The following EXOC6 variants were observed in gnomAD, a reference collection of about 807,000 sequenced individuals.
EXOC6 encodes exocyst complex component 6, also known as SEC15-like 1.
A neutral mutation model predicts 112.5 loss-of-function variants in EXOC6; 60 were observed. That is an observed-to-expected ratio of 0.53 (90% CI 0.43 to 0.66). EXOC6 has a LOEUF of 0.66. EXOC6 is among the 30% of genes least tolerant of loss of function. EXOC6 has a pLI of 0.00. For synonymous variants in EXOC6, 295 were observed against 308.0 expected, an observed-to-expected ratio of 0.96 and a Z score of 0.44; for missense variants, 855 against 957.1, an observed-to-expected ratio of 0.89 and a Z score of 1.41.
intron 20 of EXOC6, among the ~76,000 whole-genome samples, chr10:93,048,920 C>T (rs921600738): frequency 1.3e-5 from 2 of 152,018 alleles, no homozygotes; most frequent in Non-Finnish European, 2.9e-5. Flanking sequence ...ACATAAGGTG[C>T]TAATGTTCTT....
intron 19 of EXOC6, among the ~76,000 whole-genome samples, chr10:93,001,544 C>G (rs1206038602): frequency 6.6e-6 from 1 of 152,156 alleles, no homozygotes; most frequent in Non-Finnish European, 1.5e-5. Flanking sequence ...AAAAGGTGTT[C>G]TCAGTAAAAG....
chr10:92,988,081 C>T (rs1843080275), intron 18 of EXOC6, among the ~76,000 whole-genome samples: 1 of 152,090 alleles, frequency 6.6e-6, no homozygotes, highest in African/African-American at 2.4e-5. Flanking sequence ...TTATGCTTTT[C>T]CTGAATGCTT....
chr10:92,963,164 G>A (rs1476517048), intron 17 of EXOC6, among the ~76,000 whole-genome samples: 1 of 152,120 alleles, frequency 6.6e-6, no homozygotes, highest in Non-Finnish European at 1.5e-5. Context: ...ATGTTAATAA[G>A]GATGCTTATT....
chr10:92,887,705 G>A (rs1425642730), intron 1 of EXOC6, among the ~76,000 whole-genome samples: 3 of 151,982 alleles, frequency 2.0e-5, no homozygotes, highest in Admixed American at 1.3e-4. Context: ...GTGCCCAGCC[G>A]ATTAATTCCA....
At chr10:92,866,421 A>G (rs1423028074) in intron 1 of EXOC6, among the ~76,000 whole-genome samples, 1 of 152,172 alleles carries the variant, frequency 6.6e-6, no homozygotes, top group East Asian at 1.9e-4. Flanking sequence ...TATAACATAT[A>G]AAGAAACAAA....
chr10:92,902,110 G>A (rs1328167301), intron 5 of EXOC6, among the ~76,000 whole-genome samples: 1 of 151,820 alleles, frequency 6.6e-6, no homozygotes, highest in African/African-American at 2.4e-5. Context: ...ACAGTTTGAA[G>A]TTGTTAGTTT....
chr10:92,900,759 G>T, intron 5 of EXOC6: 1 of 149,464 alleles, frequency 6.7e-6, no homozygotes, highest in African/African-American at 2.4e-5. Flanking sequence ...GATTATTTTG[G>T]TATTTATATT....
chr10:93,007,102 A>G (rs1590025783), intron 19 of EXOC6, among the ~76,000 whole-genome samples: 1 of 152,110 alleles, frequency 6.6e-6, no homozygotes, highest in African/African-American at 2.4e-5. Context: ...TCTGCCTAGA[A>G]CAAGATTTTT....
intron 9 of EXOC6, among the ~76,000 whole-genome samples, chr10:92,932,565 AG>A (rs1852104045): frequency 6.6e-6 from 1 of 152,298 alleles, no homozygotes; most frequent in African/African-American, 2.4e-5. Flanking sequence ...TTCTGAAAAA[AG>A]TAACTGTCAA....
chr10:92,862,223 A>G (rs1847942953), intron 1 of EXOC6, among the ~76,000 whole-genome samples: 1 of 152,142 alleles, frequency 6.6e-6, no homozygotes, highest in South Asian at 2.1e-4. Context: ...ATTTCATGTA[A>G]TAGAGGAATA....
At chr10:92,910,694 G>GC (rs1290237136) in intron 6 of EXOC6, among the ~76,000 whole-genome samples, 9 of 152,150 alleles carry the variant, frequency 5.9e-5, no homozygotes, top group African/African-American at 1.9e-4. Flanking sequence ...ACTTTGGGAG[G>GC]CAAGGCGGGC....
At chr10:93,037,997 G>A (rs1465276238) in intron 20 of EXOC6, among the ~76,000 whole-genome samples, 1 of 130,964 alleles carries the variant, frequency 7.6e-6, no homozygotes. Flanking sequence ...CCGAGATCGC[G>A]CCACTGCACT....
intron 8 of EXOC6, among the ~76,000 whole-genome samples, chr10:92,922,355 T>G (rs570684248): frequency 1.7e-4 from 26 of 152,332 alleles, no homozygotes; most frequent in African/African-American, 6.3e-4. Context: ...TTTGAGTTCC[T>G]CATTTGCAAA....
At chr10:92,848,760 G>T in intron 1 of EXOC6, 126 bp downstream of exon 1, 1 of 713,062 alleles carries the variant, frequency 1.4e-6, no homozygotes, top group South Asian at 6.5e-5. Flanking sequence ...CGCGGGGGCG[G>T]GCGGGGGCGC....
chr10:92,847,502 G>A (rs1589686994), upstream of EXOC6, among the ~76,000 whole-genome samples: 1 of 152,172 alleles, frequency 6.6e-6, no homozygotes, highest in African/African-American at 2.4e-5. Flanking sequence ...TAAAGAGCTT[G>A]GTTGACTCAA....
intron 19 of EXOC6, among the ~76,000 whole-genome samples, chr10:93,012,137 A>T (rs1236756719): frequency 1.3e-5 from 2 of 152,214 alleles, no homozygotes; most frequent in Non-Finnish European, 2.9e-5. Flanking sequence ...TATAAAACCT[A>T]TTAACCTTAC....
intron 19 of EXOC6, among the ~76,000 whole-genome samples, chr10:93,009,488 G>T: frequency 1.3e-5 from 2 of 152,294 alleles, no homozygotes; most frequent in Middle Eastern, 6.8e-3. Context: ...CTCTCAGGGA[G>T]TTCATGATTT....
At chr10:92,857,665 C>A (rs934758594) in intron 1 of EXOC6, among the ~76,000 whole-genome samples, 3 of 152,020 alleles carry the variant, frequency 2.0e-5, no homozygotes, top group Non-Finnish European at 2.9e-5. Context: ...TGCATGCCAC[C>A]AATACAATTA....
chr10:92,889,714 C>T lies in EXOC6; in HGVS notation c.102-3635C>T, dbSNP rs532800430. Among the ~76,000 whole-genome samples the T allele has an allele frequency of 3.0e-3, 457 of 151,512 alleles. 6 individuals are homozygous for T. Among genetic ancestry groups the T allele is most frequent in the Admixed American group, 5.5e-3 (83 of 15,184 alleles). On this transcript the variant is annotated intron_variant, in intron 1 of 21. Coordinates refer to ENST00000260762, the MANE Select transcript of EXOC6 (RefSeq NM_019053.6). ...TGTAACTTTATAGTAAATCTTGGGTCGTGTTGTCAGTATTCCAATTCTGTT... is the reference window on the plus strand; with the variant it reads ...TGTAACTTTATAGTAAATCTTGGGTTGTGTTGTCAGTATTCCAATTCTGTT...
Sources: gnomAD v4.1 joint callset for allele counts (sites outside exome capture counted in the v4.1 genomes callset) on GRCh38, gnomAD v4.1.1 for gene constraint, MANE v1.5 for transcripts, NCBI Gene and HGNC (gene_info 2026-07-23, HGNC 2026-07-21) for gene names.